Variants in NRG3 observed in about 807,000 individuals in gnomAD.
NRG3 encodes pro-neuregulin-3, membrane-bound isoform.
Under a neutral mutation model 66.9 loss-of-function variants are expected in NRG3, and 31 were observed. The observed-to-expected ratio is 0.46, with a 90% CI of 0.35 to 0.63. The LOEUF (loss-of-function observed/expected upper bound fraction) is 0.63. Ranked by LOEUF, NRG3 falls within the 20% of genes least tolerant of loss-of-function variation. The pLI is 0.00. For synonymous variants in NRG3, 393 were observed against 359.4 expected, an observed-to-expected ratio of 1.09 and a Z score of -1.06; for missense variants, 910 against 878.9, an observed-to-expected ratio of 1.04 and a Z score of -0.45.
At chr10:82,612,680 A>T (rs977608169) in intron 2 of NRG3, among the ~76,000 whole-genome samples, 2 of 152,124 alleles carry the variant, frequency 1.3e-5, no homozygotes, top group Admixed American at 6.5e-5. Flanking sequence ...TTATTTTTGA[A>T]GTACTGGAGT....
rs143353654 is a variant in NRG3, at chr10:81,955,129, TTATATAA to T, written c.823+78973_823+78979del. 2.4e-3 allele frequency among the ~76,000 whole-genome samples: 354 copies of T among 148,384 alleles called. 2 individuals are homozygous for T. The highest frequency in any genetic ancestry group is 8.4e-3 in the African/African-American group (344 of 40,886). ...TTCTGTTATATTAGACATATACCTG[TTATATAA>T]TATATATGTTATATAGAATATATAA... On this transcript the variant is annotated intron_variant, in intron 1 of 8. Coordinates refer to ENST00000372141, the MANE Select transcript of NRG3 (RefSeq NM_001010848.4).
At chr10:82,546,906 C>A (rs2043953035) in intron 2 of NRG3, among the ~76,000 whole-genome samples, 1 of 151,904 alleles carries the variant, frequency 6.6e-6, no homozygotes, top group Admixed American at 6.6e-5. Context: ...AACTGTTGCC[C>A]ATCAATTACT....
At chr10:82,684,976 A>C (rs1402460213) in intron 2 of NRG3, among the ~76,000 whole-genome samples, 1 of 152,156 alleles carries the variant, frequency 6.6e-6, no homozygotes, top group Non-Finnish European at 1.5e-5. Context: ...AGCAGGGAAA[A>C]ATCTTGATAG....
intron 3 of NRG3, among the ~76,000 whole-genome samples, chr10:82,783,847 G>GA (rs992596609): frequency 9.7e-4 from 147 of 152,140 alleles, no homozygotes; most frequent in African/African-American, 3.4e-3. Flanking sequence ...CACAGAATTG[G>GA]AAAAAACCAC....
intron 4 of NRG3, among the ~76,000 whole-genome samples, chr10:82,898,845 C>T (rs1197970955): frequency 4.0e-5 from 6 of 151,102 alleles, no homozygotes; most frequent in Non-Finnish European, 8.8e-5. Context: ...CCTCAGCCTC[C>T]CTAGTAGTTG....
intron 1 of NRG3, among the ~76,000 whole-genome samples, chr10:82,245,959 A>AT (rs1179157742): frequency 6.7e-5 from 7 of 104,792 alleles, no homozygotes; most frequent in African/African-American, 2.7e-4. Context: ...CATTAGCCTG[A>AT]TTTTTTCCCA....
intron 1 of NRG3, among the ~76,000 whole-genome samples, chr10:82,198,953 C>T (rs970606847): frequency 8.1e-5 from 12 of 148,694 alleles, no homozygotes; most frequent in South Asian, 2.1e-4. Context: ...GCCAAGATCA[C>T]GCCACTGCAC....
intron 1 of NRG3, among the ~76,000 whole-genome samples, chr10:82,221,532 G>A (rs951380572): frequency 6.6e-6 from 1 of 152,078 alleles, no homozygotes; most frequent in Non-Finnish European, 1.5e-5. Flanking sequence ...TTAGATGCAG[G>A]CAGGTAGAAA....
At chr10:81,937,578 G>A (rs965884911) in intron 1 of NRG3, among the ~76,000 whole-genome samples, 1 of 152,020 alleles carries the variant, frequency 6.6e-6, no homozygotes, top group Non-Finnish European at 1.5e-5. Context: ...TATTCAAGTT[G>A]TTTGCACATT....
intron 1 of NRG3, among the ~76,000 whole-genome samples, chr10:82,180,952 T>C (rs2073377425): frequency 6.6e-6 from 1 of 151,892 alleles, no homozygotes; most frequent in African/African-American, 2.4e-5. Context: ...TCAGTCACCT[T>C]ACTTGTTATA....
intron 1 of NRG3, among the ~76,000 whole-genome samples, chr10:82,090,561 G>A (rs549159928): frequency 8.5e-5 from 13 of 152,258 alleles, no homozygotes; most frequent in South Asian, 2.1e-4. Context: ...AGTCATTTCC[G>A]TTGGGATTAG....
chr10:82,088,080 G>T (rs1333167851), intron 1 of NRG3, among the ~76,000 whole-genome samples: 2 of 152,102 alleles, frequency 1.3e-5, no homozygotes, highest in African/African-American at 2.4e-5. Context: ...GATTCATGAT[G>T]ATTACATGGT....
At chr10:82,700,685 A>G (rs959608880) in intron 2 of NRG3, among the ~76,000 whole-genome samples, 3 of 152,130 alleles carry the variant, frequency 2.0e-5, no homozygotes, top group African/African-American at 7.2e-5. Flanking sequence ...TTTAGAAGCC[A>G]TATGCAGGCA....
chr10:82,024,387 A>G (rs796868714), intron 1 of NRG3, among the ~76,000 whole-genome samples: 26 of 152,038 alleles, frequency 1.7e-4, no homozygotes, highest in African/African-American at 5.8e-4. Flanking sequence ...CTAATTTTGG[A>G]AAACCTTTAT....
chr10:82,356,787 A>G (rs1211939106), intron 1 of NRG3, among the ~76,000 whole-genome samples: 1 of 152,258 alleles, frequency 6.6e-6, no homozygotes, highest in Non-Finnish European at 1.5e-5. Flanking sequence ...AAATGATAAC[A>G]TAAATGTTAA....
chr10:82,315,983 A>G (rs2081274565), intron 1 of NRG3, among the ~76,000 whole-genome samples: 1 of 152,070 alleles, frequency 6.6e-6, no homozygotes, highest in Admixed American at 6.5e-5. Flanking sequence ...CATAGTCGCA[A>G]TAGGAAGGAT....
chr10:82,881,908 C>A (rs1345231958), intron 4 of NRG3, among the ~76,000 whole-genome samples: 1 of 152,154 alleles, frequency 6.6e-6, no homozygotes, highest in African/African-American at 2.4e-5. Flanking sequence ...TGTCCAGAAA[C>A]CCTCAAGGAC....
intron 1 of NRG3, among the ~76,000 whole-genome samples, chr10:82,237,974 T>C (rs2076835911): frequency 6.6e-6 from 1 of 152,146 alleles, no homozygotes; most frequent in Non-Finnish European, 1.5e-5. Flanking sequence ...CAGGTTACAA[T>C]TGGTAAAAGA....
At chr10:82,037,614 T>C (rs896897893) in intron 1 of NRG3, among the ~76,000 whole-genome samples, 1 of 152,152 alleles carries the variant, frequency 6.6e-6, no homozygotes, top group African/African-American at 2.4e-5. Context: ...TCTAACAGCA[T>C]TGGCAGGATC....
Sources: allele counts gnomAD v4.1 joint callset (sites outside exome capture counted in the v4.1 genomes callset), GRCh38; gene constraint gnomAD v4.1.1; transcripts MANE v1.5; gene names NCBI Gene and HGNC (gene_info 2026-07-23, HGNC 2026-07-21).